Variants in SGCZ observed in about 807,000 individuals in gnomAD.
The protein encoded by SGCZ is zeta-sarcoglycan.
SGCZ carries 40 observed loss-of-function variants against 41.3 expected under a neutral mutation model. The ratio of observed to expected loss-of-function variants is 0.97; its 90% CI spans 0.75 to 1.26. SGCZ has a LOEUF of 1.26. Ranked by LOEUF, SGCZ falls within the 50% of genes most tolerant of loss-of-function variation. The probability of loss-of-function intolerance (pLI) is 0.00; values close to 1 mark genes in which losing one functional copy is unlikely to be tolerated. For missense variants in SGCZ, 552 were observed against 369.8 expected (o/e 1.49, Z -4.04); for synonymous variants, 206 against 137.5 (o/e 1.50, Z -3.49).
At chr8:14,170,902 G>A (rs1804358911) in intron 4 of SGCZ, among the ~76,000 whole-genome samples, 1 of 152,022 alleles carries the variant, frequency 6.6e-6, no homozygotes, top group African/African-American at 2.4e-5. Flanking sequence ...AATGAAAGGA[G>A]ATTGTGATTA....
At chr8:14,286,996 A>T (rs182699030) in intron 3 of SGCZ, among the ~76,000 whole-genome samples, 1 of 152,098 alleles carries the variant, frequency 6.6e-6, no homozygotes, top group African/African-American at 2.4e-5. Context: ...CTACTTGTGC[A>T]TATTAGCCAT....
At chr8:14,352,231 C>CTAAT (rs1803125865) in intron 2 of SGCZ, among the ~76,000 whole-genome samples, 1 of 151,818 alleles carries the variant, frequency 6.6e-6, no homozygotes, top group South Asian at 2.1e-4. Context: ...CAGGCTGAAG[C>CTAAT]TAATTGTTAG....
At chr8:14,163,916 T>C (rs1478074505) in intron 5 of SGCZ, among the ~76,000 whole-genome samples, 1 of 152,150 alleles carries the variant, frequency 6.6e-6, no homozygotes, top group Admixed American at 6.6e-5. Flanking sequence ...GATTGTTAAA[T>C]GTGTTATCAA....
At chr8:15,010,660 G>A (rs1585469415) in intron 1 of SGCZ, among the ~76,000 whole-genome samples, 2 of 152,266 alleles carry the variant, frequency 1.3e-5, no homozygotes, top group East Asian at 1.9e-4. Context: ...TTCGTGTACT[G>A]TCAGTACAGG....
chr8:14,215,360 A>C (rs1805957884), intron 4 of SGCZ, among the ~76,000 whole-genome samples: 1 of 152,170 alleles, frequency 6.6e-6, no homozygotes, highest in South Asian at 2.1e-4. Flanking sequence ...ATATCACATC[A>C]GCACTAAAGC....
At chr8:14,566,655 A>G (rs1039671593) in intron 1 of SGCZ, among the ~76,000 whole-genome samples, 1 of 152,250 alleles carries the variant, frequency 6.6e-6, no homozygotes, top group African/African-American at 2.4e-5. Context: ...AGGTGACAGC[A>G]TGCTGGCAGC....
At chr8:14,375,324 G>C (rs73664334) in intron 2 of SGCZ, among the ~76,000 whole-genome samples, 9 of 152,058 alleles carry the variant, frequency 5.9e-5, no homozygotes, top group Non-Finnish European at 1.3e-4. Flanking sequence ...ACATTAACAA[G>C]GAGATATTTT....
intron 1 of SGCZ, among the ~76,000 whole-genome samples, chr8:14,570,191 G>A (rs1057333853): frequency 2.0e-5 from 3 of 152,120 alleles, no homozygotes; most frequent in Admixed American, 1.3e-4. Context: ...GAGCAGGTAG[G>A]TGCTCAATAA....
intron 5 of SGCZ, among the ~76,000 whole-genome samples, chr8:14,156,522 A>C (rs1803880788): frequency 6.6e-6 from 1 of 152,116 alleles, no homozygotes; most frequent in African/African-American, 2.4e-5. Flanking sequence ...CAATAACCTT[A>C]ACTTACTGTA....
chr8:14,890,604 C>T (rs1804975299), intron 1 of SGCZ, among the ~76,000 whole-genome samples: 1 of 152,200 alleles, frequency 6.6e-6, no homozygotes, highest in Non-Finnish European at 1.5e-5. Flanking sequence ...CAAGGCAAAG[C>T]AGCAAGTGCT....
intron 1 of SGCZ, among the ~76,000 whole-genome samples, chr8:15,185,301 C>A (rs1167571955): frequency 6.6e-6 from 1 of 152,162 alleles, no homozygotes; most frequent in Admixed American, 6.5e-5. Flanking sequence ...AGCCAAAGCT[C>A]TGAGGTTTCA....
intron 2 of SGCZ, among the ~76,000 whole-genome samples, chr8:14,550,080 C>G (rs1398205054): frequency 6.6e-6 from 1 of 151,776 alleles, no homozygotes; most frequent in Non-Finnish European, 1.5e-5. Context: ...ATGTAATGAC[C>G]AACACCGACA....
intron 1 of SGCZ, among the ~76,000 whole-genome samples, chr8:14,661,132 C>T (rs1416460178): frequency 1.3e-5 from 2 of 152,078 alleles, no homozygotes; most frequent in Non-Finnish European, 2.9e-5. Context: ...AAACATCATA[C>T]ATAAGCTAAA....
chr8:14,568,125 A>G (rs1033839077), intron 1 of SGCZ, among the ~76,000 whole-genome samples: 2 of 152,166 alleles, frequency 1.3e-5, no homozygotes, highest in South Asian at 2.1e-4. Flanking sequence ...TCAGCAAACT[A>G]TCACAGGAAC....
chr8:14,325,298 G>A lies in SGCZ; in HGVS notation c.235-1094C>T, dbSNP rs73533336. ...GACTTGTTGACTAATTTTATGTATAGACACAGAAAGGAAGAACTTTCAAGA... is the reference window on the plus strand; with the variant it reads ...GACTTGTTGACTAATTTTATGTATAAACACAGAAAGGAAGAACTTTCAAGA... On this transcript the variant is annotated intron_variant, in intron 2 of 7. Coordinates refer to ENST00000382080, the MANE Select transcript of SGCZ (RefSeq NM_139167.4). Among the ~76,000 whole-genome samples, 272 of 151,974 alleles carry A rather than the reference G, an allele frequency of 1.8e-3. 2 individuals are homozygous for A. The highest frequency in any genetic ancestry group is 6.2e-3 in the African/African-American group (257 of 41,488).
At chr8:14,440,770 T>C (rs1447894227) in intron 2 of SGCZ, among the ~76,000 whole-genome samples, 2 of 147,850 alleles carry the variant, frequency 1.4e-5, no homozygotes, top group Non-Finnish European at 3.0e-5. Flanking sequence ...TATATGTATA[T>C]ATGTATATAC....
At chr8:14,576,061 A>C (rs1271962699) in intron 1 of SGCZ, among the ~76,000 whole-genome samples, 1 of 152,202 alleles carries the variant, frequency 6.6e-6, no homozygotes, top group African/African-American at 2.4e-5. Flanking sequence ...ATCTATACGC[A>C]TGTAAGTCAT....
At chr8:14,766,646 C>G (rs2130375973) in intron 1 of SGCZ, among the ~76,000 whole-genome samples, 1 of 151,906 alleles carries the variant, frequency 6.6e-6, no homozygotes, top group Non-Finnish European at 1.5e-5. Context: ...ACTGCAATTT[C>G]CACCTCCCAG....
intron 1 of SGCZ, among the ~76,000 whole-genome samples, chr8:14,930,340 A>G (rs999580002): frequency 3.9e-5 from 6 of 152,020 alleles, no homozygotes; most frequent in Non-Finnish European, 7.4e-5. Flanking sequence ...GAAACAACAG[A>G]TGCTCGAGAG....
Sources: gnomAD v4.1 joint callset for allele counts (sites outside exome capture counted in the v4.1 genomes callset) on GRCh38, gnomAD v4.1.1 for gene constraint, MANE v1.5 for transcripts, NCBI Gene and HGNC (gene_info 2026-07-23, HGNC 2026-07-21) for gene names.